EDA: variants seen among roughly 807,000 people sequenced by gnomAD.
The protein encoded by EDA is ectodysplasin A.
A neutral mutation model predicts 23.6 loss-of-function variants in EDA; 2 were observed. The observed-to-expected ratio is 0.08, with a 90% CI of 0.03 to 0.27. The LOEUF is 0.27. EDA is among the 10% of genes least tolerant of loss of function. EDA has a pLI of 1.00. For missense variants in EDA, 229 were observed against 324.2 expected (o/e 0.71, Z 2.26); for synonymous variants, 131 against 132.0 (o/e 0.99, Z 0.05).
chrX:69,708,441 T>C (rs1487246045), intron 1 of EDA, among the ~76,000 whole-genome samples: 1 of 111,062 alleles, frequency 9.0e-6, no homozygotes, highest in African/African-American at 3.3e-5. Flanking sequence ...TTTTAGTTCA[T>C]CAGTTCATTA....
rs146980325 is a variant in EDA at position 69,914,406 on chromosome X, A to G, written c.397-42621A>G. Among the ~76,000 whole-genome samples the G allele has an allele frequency of 2.0e-4, 23 of 112,195 alleles. No individual in the cohort carries two copies. The East Asian group carries it at 6.4e-3, about 31-fold the overall frequency. ...CACATGACTAGAAAATAATAGAGCT[A>G]AAGTTTAAATATAGGCTTTCTGGCT... On this transcript the variant is annotated intron_variant, in intron 1 of 7. Coordinates refer to ENST00000374552, the MANE Select transcript of EDA (RefSeq NM_001399.5).
At chrX:70,004,867 G>A (rs771074166) in intron 2 of EDA, among the ~76,000 whole-genome samples, 19 of 112,275 alleles carry the variant, frequency 1.7e-4, no homozygotes, top group African/African-American at 5.8e-4. Flanking sequence ...AACGAAGGAG[G>A]ATTGCTTGAG....
At chrX:69,802,654 G>A (rs1252324193) in intron 1 of EDA, among the ~76,000 whole-genome samples, 1 of 110,683 alleles carries the variant, frequency 9.0e-6, no homozygotes, top group Non-Finnish European at 1.9e-5. Flanking sequence ...ATGTCCTTAG[G>A]CAAGTCACTT....
chrX:70,001,876 A>C (rs886400568), intron 2 of EDA, among the ~76,000 whole-genome samples: 4 of 111,923 alleles, frequency 3.6e-5, no homozygotes, highest in Non-Finnish European at 7.5e-5. Context: ...AATGGTGTTC[A>C]GGGCTTGTCC....
At chrX:69,981,961 G>C (rs2019414570) in intron 2 of EDA, among the ~76,000 whole-genome samples, 1 of 111,283 alleles carries the variant, frequency 9.0e-6, no homozygotes, top group African/African-American at 3.3e-5. Context: ...GATCAGCCTG[G>C]TGCTAGTAAT....
At chrX:70,014,067 C>A (rs1335196902) in intron 2 of EDA, among the ~76,000 whole-genome samples, 2 of 112,094 alleles carry the variant, frequency 1.8e-5, no homozygotes, top group Admixed American at 1.9e-4. Flanking sequence ...AGGTCCTGGC[C>A]CTTTCAGTCC....
At chrX:69,801,503 C>T (rs1459112407) in intron 1 of EDA, among the ~76,000 whole-genome samples, 1 of 111,159 alleles carries the variant, frequency 9.0e-6, no homozygotes, top group Non-Finnish European at 1.9e-5. Flanking sequence ...GAGGATCACT[C>T]ATAAGAAGTT....
At chrX:69,660,527 T>G in intron 1 of EDA, among the ~76,000 whole-genome samples, 1 of 107,001 alleles carries the variant, frequency 9.3e-6, no homozygotes, top group Non-Finnish European at 1.9e-5. Context: ...GTGTGTGATG[T>G]TCCCCACCCT....
rs544601085 is a variant in EDA, at chrX:69,670,183, G to GTTTTTT, written c.396+53493_396+53498dup. On this transcript the variant is annotated intron_variant, in intron 1 of 7. Transcript: ENST00000374552. Reference sequence around the variant, plus strand: ...CTGGGTATAGTATTCTTGGCTGACTGTTTTTTTTTTTTTTTTTTTCTTTCA... The same window carrying GTTTTTT: ...CTGGGTATAGTATTCTTGGCTGACTGTTTTTTTTTTTTTTTTTTTTTTTTTCTTTCA... The GTTTTTT allele has an allele frequency of 0.03, 7,025 of 231,222 alleles. 274 individuals carry two copies. Among genetic ancestry groups the GTTTTTT allele is most frequent in the South Asian group, 0.036 (192 of 5,407 alleles). 19.1% of individuals were successfully genotyped at this position (231,222 alleles called of 1,213,427 possible). A position where few individuals can be genotyped will look rare whatever the true frequency, so the allele number is the denominator to read the frequency against.
chrX:69,809,358 A>G (rs1009792401), intron 1 of EDA, among the ~76,000 whole-genome samples: 5 of 111,450 alleles, frequency 4.5e-5, no homozygotes, highest in African/African-American at 1.3e-4. Flanking sequence ...AGTGCTACAC[A>G]CTTTTAAACA....
At chrX:69,964,699 G>C (rs2019149769) in intron 2 of EDA, among the ~76,000 whole-genome samples, 1 of 111,384 alleles carries the variant, frequency 9.0e-6, no homozygotes, top group South Asian at 3.8e-4. Flanking sequence ...TAATCTGTTG[G>C]CTGAGTGGTG....
chrX:69,649,150 T>C (rs929389959), intron 1 of EDA, among the ~76,000 whole-genome samples: 1 of 112,379 alleles, frequency 8.9e-6, no homozygotes, highest in Non-Finnish European at 1.9e-5. Flanking sequence ...CTCACCCCTT[T>C]CATTCCTCTC....
At chrX:69,844,667 C>CACTT (rs942814139) in intron 1 of EDA, among the ~76,000 whole-genome samples, 2 of 112,720 alleles carry the variant, frequency 1.8e-5, no homozygotes. Context: ...CTTTGGCCAT[C>CACTT]ACTTGCATAT....
chrX:69,868,506 A>G (rs934695570), intron 1 of EDA, among the ~76,000 whole-genome samples: 1 of 112,048 alleles, frequency 8.9e-6, no homozygotes, highest in Non-Finnish European at 1.9e-5. Context: ...TTAGTTGAAT[A>G]TATTTCCCAT....
intron 1 of EDA, among the ~76,000 whole-genome samples, chrX:69,631,276 G>A (rs1168654633): frequency 1.8e-5 from 2 of 108,329 alleles, no homozygotes; most frequent in East Asian, 5.8e-4. Flanking sequence ...AGCTACTTGG[G>A]AGGCTGAGGC....
intron 1 of EDA, among the ~76,000 whole-genome samples, chrX:69,833,275 T>C (rs2016667300): frequency 9.0e-6 from 1 of 111,628 alleles, no homozygotes; most frequent in Non-Finnish European, 1.9e-5. Flanking sequence ...GTCAAAGGCC[T>C]TTTCTGCATC....
chrX:69,625,833 CTTT>C (rs1176391668), intron 1 of EDA, among the ~76,000 whole-genome samples: 2 of 100,129 alleles, frequency 2.0e-5, no homozygotes, highest in Admixed American at 1.1e-4. Context: ...TGGAAAGAAA[CTTT>C]TTTTTTTTTT....
chrX:69,755,437 AG>A (rs1259387241), intron 1 of EDA, among the ~76,000 whole-genome samples: 12 of 111,548 alleles, frequency 1.1e-4, no homozygotes, highest in Non-Finnish European at 2.3e-4. Flanking sequence ...TTCATCTCAG[AG>A]GGGCACCTGG....
At chrX:69,895,563 C>G (rs1182384498) in intron 1 of EDA, among the ~76,000 whole-genome samples, 1 of 111,288 alleles carries the variant, frequency 9.0e-6, no homozygotes, top group Admixed American at 9.6e-5. Context: ...AAAAAATACC[C>G]GTTTTGACTA....
Sources: gnomAD v4.1 joint callset for allele counts (sites outside exome capture counted in the v4.1 genomes callset) on GRCh38, gnomAD v4.1.1 for gene constraint, MANE v1.5 for transcripts, NCBI Gene and HGNC (gene_info 2026-07-23, HGNC 2026-07-21) for gene names.